Variants in COL24A1 observed in about 807,000 individuals in gnomAD.
COL24A1 encodes collagen alpha-1(XXIV) chain.
Under a neutral mutation model 253.9 loss-of-function variants are expected in COL24A1, and 224 were observed. The observed-to-expected ratio is 0.88, with a 90% CI of 0.79 to 0.99. The LOEUF is 0.99. Ranked by LOEUF, COL24A1 falls within the 50% of genes least tolerant of loss-of-function variation. COL24A1 has a pLI of 0.00. For missense variants in COL24A1, 2,131 were observed against 2,068.5 expected, an observed-to-expected ratio of 1.03 and a Z score of -0.59; for synonymous variants, 685 against 673.7, an observed-to-expected ratio of 1.02 and a Z score of -0.26.
At chr1:86,067,155 A>C (rs1701557187) in intron 7 of COL24A1, among the ~76,000 whole-genome samples, 1 of 152,056 alleles carries the variant, frequency 6.6e-6, no homozygotes, top group Non-Finnish European at 1.5e-5. Flanking sequence ...GAAGAAAAAA[A>C]AAAAAAGAGT....
chr1:85,846,836 G>C (rs1677190225), intron 39 of COL24A1, among the ~76,000 whole-genome samples: 1 of 151,930 alleles, frequency 6.6e-6, no homozygotes, highest in African/African-American at 2.4e-5. Context: ...ATGAAAGAAA[G>C]TAAGAAAGGC....
intron 3 of COL24A1, among the ~76,000 whole-genome samples, chr1:86,120,371 A>G (rs554335479): frequency 1.3e-5 from 2 of 152,340 alleles, no homozygotes; most frequent in Admixed American, 1.3e-4. Context: ...AGAATGGGGG[A>G]AAATTTTTGC....
chr1:85,913,213 CTG>C (rs1685542477), intron 24 of COL24A1, among the ~76,000 whole-genome samples: 1 of 152,202 alleles, frequency 6.6e-6, no homozygotes, highest in Admixed American at 6.5e-5. Context: ...ACTGGTCTCA[CTG>C]TGTTCTCCAC....
intron 47 of COL24A1, among the ~76,000 whole-genome samples, chr1:85,807,863 T>C (rs1267310679): frequency 1.3e-5 from 2 of 152,184 alleles, no homozygotes. Context: ...TCTAGAGCTG[T>C]TAAGATACTA....
chr1:85,806,075 CAAA>C (rs59669169), intron 47 of COL24A1, among the ~76,000 whole-genome samples: 3 of 95,114 alleles, frequency 3.2e-5, no homozygotes, highest in Non-Finnish European at 2.3e-5. Context: ...GACTCCGTCT[CAAA>C]AAAAAAAAAA....
chr1:85,992,625 C>T (rs1694394562), intron 19 of COL24A1, among the ~76,000 whole-genome samples: 9 of 152,006 alleles, frequency 5.9e-5, no homozygotes, highest in Admixed American at 5.9e-4. Flanking sequence ...TCATTAGAGT[C>T]CATACTTTTC....
At chr1:86,089,068 G>A in intron 7 of COL24A1, 106 bp downstream of exon 7, 1 of 816,730 alleles carries the variant, frequency 1.2e-6, no homozygotes, top group South Asian at 2.1e-5. Flanking sequence ...AGACCTCCAA[G>A]ATCCATATAT....
chr1:85,990,667 A>T (rs1694168608), intron 19 of COL24A1, among the ~76,000 whole-genome samples: 2 of 152,320 alleles, frequency 1.3e-5, no homozygotes, highest in South Asian at 4.1e-4. Flanking sequence ...TCAAAAGTAG[A>T]GTCATATTAA....
intron 10 of COL24A1, among the ~76,000 whole-genome samples, chr1:86,053,873 C>A (rs1700492369): frequency 6.6e-6 from 1 of 151,994 alleles, no homozygotes; most frequent in Non-Finnish European, 1.5e-5. Context: ...TTAGAATTTA[C>A]CAGTAACAGG....
chr1:86,147,748 A>G (rs982413246), intron 1 of COL24A1, among the ~76,000 whole-genome samples: 5 of 152,246 alleles, frequency 3.3e-5, no homozygotes, highest in Non-Finnish European at 5.9e-5. Flanking sequence ...TATTTAGAAC[A>G]TTCACTGTGT....
chr1:85,874,769 T>A, intron 34 of COL24A1, 67 bp from the exon 35 acceptor site: 2 of 1,545,640 alleles, frequency 1.3e-6, no homozygotes, highest in Non-Finnish European at 1.8e-6. Flanking sequence ...ATGGAGGGCA[T>A]GCCATACGGC....
intron 19 of COL24A1, among the ~76,000 whole-genome samples, chr1:85,989,508 G>C (rs1694034991): frequency 6.6e-6 from 1 of 151,602 alleles, no homozygotes; most frequent in Admixed American, 6.6e-5. Context: ...TTTTCCTATT[G>C]CTTATTCATG....
At position 85,788,488 on chromosome 1, in the gene COL24A1, C is replaced by A. The variant is rs551583145; in HGVS notation, c.3952-2027G>T. Among the ~76,000 whole-genome samples the A allele has an allele frequency of 5.9e-5, 9 of 152,222 alleles. No individual in the cohort carries two copies. The South Asian group carries it at 1.9e-3, about 32-fold the overall frequency. ...ACACATTTGTCAGATGGTTAGATTG[C>A]AAAAATTTTCTCCCATTCTGTGGGT... On this transcript the variant is annotated intron_variant, in intron 47 of 59. Coordinates refer to ENST00000370571, the MANE Select transcript of COL24A1 (RefSeq NM_152890.7).
At chr1:85,941,088 G>T (rs551159175) in intron 24 of COL24A1, among the ~76,000 whole-genome samples, 1 of 152,272 alleles carries the variant, frequency 6.6e-6, no homozygotes, top group South Asian at 2.1e-4. Flanking sequence ...TATGACACTT[G>T]TATTGCAAAA....
At position 85,825,697 on chromosome 1, in the gene COL24A1, T is replaced by C. The variant is rs1674223994; in HGVS notation, c.3682-1959A>G. Reference sequence around the variant, plus strand: ...CAGTGATGATGAGCATTTTTTCATGTGTTTTTTGGCTGCATAAATGTCTTC... The same window carrying C: ...CAGTGATGATGAGCATTTTTTCATGCGTTTTTTGGCTGCATAAATGTCTTC... On this transcript the variant is annotated intron_variant, in intron 43 of 59. Transcript: ENST00000370571. Among the ~76,000 whole-genome samples, 3 of 148,574 alleles carry C rather than the reference T, an allele frequency of 2.0e-5. No homozygotes were observed. The South Asian group carries it at 6.7e-4, about 33-fold the overall frequency.
At chr1:85,808,138 A>C (rs1672167229) in intron 47 of COL24A1, among the ~76,000 whole-genome samples, 1 of 152,296 alleles carries the variant, frequency 6.6e-6, no homozygotes, top group Non-Finnish European at 1.5e-5. Context: ...CACCAATATA[A>C]ATCTAATGTA....
intron 24 of COL24A1, among the ~76,000 whole-genome samples, chr1:85,915,438 AT>A (rs916828053): frequency 7.3e-5 from 11 of 151,162 alleles, no homozygotes; most frequent in Admixed American, 2.0e-4. Flanking sequence ...AGACTGTGAG[AT>A]TTTTTTTTAG....
chr1:85,760,359 T>A (rs1233242936), intron 55 of COL24A1, among the ~76,000 whole-genome samples: 1 of 152,128 alleles, frequency 6.6e-6, no homozygotes, highest in African/African-American at 2.4e-5. Flanking sequence ...GACATTCTTA[T>A]TGATGTCCAC....
rs548525240 is a variant in COL24A1, at chr1:85,889,507, T to G, written c.2976+53A>C. ...GCACAGCAGAGCAATAATGGAAATG[T>G]AAATGTATTTTATGAGAAAGACACA... is the stretch of plus-strand genomic sequence containing the variant. On this transcript the variant is annotated intron_variant, in intron 32 of 59. Transcript: ENST00000370571. 55 of 1,462,708 alleles carry G rather than the reference T, an allele frequency of 3.8e-5. 1 individual carries two copies. Among genetic ancestry groups the G allele is most frequent in the African/African-American group, 2.1e-4 (15 of 71,854 alleles). The allele number at this position is 1,462,708 out of a possible 1,614,324, so 90.6% of individuals were successfully genotyped here.
Sources: allele counts gnomAD v4.1 joint callset (sites outside exome capture counted in the v4.1 genomes callset), GRCh38; gene constraint gnomAD v4.1.1; transcripts MANE v1.5; gene names NCBI Gene and HGNC (gene_info 2026-07-23, HGNC 2026-07-21).